HCN1: variants seen among roughly 807,000 people sequenced by gnomAD.
HCN1 encodes hyperpolarization activated cyclic nucleotide gated potassium channel 1.
Under a neutral mutation model 78.9 loss-of-function variants are expected in HCN1, and 13 were observed. The observed-to-expected ratio is 0.16, with a 90% CI of 0.11 to 0.26. HCN1 has a LOEUF of 0.26. Ranked by LOEUF, HCN1 falls within the 10% of genes least tolerant of loss-of-function variation. HCN1 has a pLI of 1.00. For synonymous variants in HCN1, 552 were observed against 455.5 expected, an observed-to-expected ratio of 1.21 and a Z score of -2.70; for missense variants, 810 against 1,154.3, an observed-to-expected ratio of 0.70 and a Z score of 4.32.
chr5:45,269,149 T>C (rs1244185344), intron 6 of HCN1, among the ~76,000 whole-genome samples: 2 of 152,290 alleles, frequency 1.3e-5, no homozygotes, highest in African/African-American at 4.8e-5. Context: ...AGGCAAAAGA[T>C]GGAAAAGGGA....
intron 2 of HCN1, among the ~76,000 whole-genome samples, chr5:45,616,748 A>G (rs1354922460): frequency 2.0e-5 from 3 of 152,064 alleles, no homozygotes; most frequent in Non-Finnish European, 4.4e-5. Context: ...GTTGATTGAA[A>G]TATATGTGTG....
At chr5:45,542,709 T>A (rs2111832083) in intron 2 of HCN1, among the ~76,000 whole-genome samples, 1 of 152,260 alleles carries the variant, frequency 6.6e-6, no homozygotes, top group Non-Finnish European at 1.5e-5. Context: ...TACTTTCCAG[T>A]GACAGGATTT....
At chr5:45,642,686 T>G (rs1745479062) in intron 2 of HCN1, 1 of 152,118 alleles carries the variant, frequency 6.6e-6, no homozygotes, top group Non-Finnish European at 1.5e-5. Context: ...ACAGAGCTAC[T>G]TTTTCTGATT....
intron 3 of HCN1, among the ~76,000 whole-genome samples, chr5:45,415,263 A>G (rs368233106): frequency 3.3e-5 from 5 of 152,120 alleles, no homozygotes; most frequent in African/African-American, 9.6e-5. Flanking sequence ...AATTTTAATA[A>G]TTTGCCATCT....
intron 2 of HCN1, among the ~76,000 whole-genome samples, chr5:45,541,023 T>G (rs1353944832): frequency 6.6e-6 from 1 of 152,074 alleles, no homozygotes; most frequent in Admixed American, 6.5e-5. Flanking sequence ...CACACAAAAC[T>G]TATTTAGTGC....
At chr5:45,379,335 G>C (rs1420425793) in intron 4 of HCN1, among the ~76,000 whole-genome samples, 1 of 152,006 alleles carries the variant, frequency 6.6e-6, no homozygotes, top group Non-Finnish European at 1.5e-5. Context: ...TCCTCTTAAT[G>C]TGAAACACTA....
chr5:45,393,792 A>T (rs908980811), intron 4 of HCN1, among the ~76,000 whole-genome samples: 2 of 152,194 alleles, frequency 1.3e-5, no homozygotes, highest in Non-Finnish European at 2.9e-5. Flanking sequence ...TAAGGACTGA[A>T]TCTGTCCTAT....
intron 4 of HCN1, among the ~76,000 whole-genome samples, chr5:45,370,997 A>T (rs1372922560): frequency 6.6e-6 from 1 of 152,098 alleles, no homozygotes; most frequent in African/African-American, 2.4e-5. Context: ...GGAGAAAAAT[A>T]TATCAAAGCT....
At chr5:45,293,565 G>T (rs1454064678) in intron 6 of HCN1, among the ~76,000 whole-genome samples, 1 of 151,936 alleles carries the variant, frequency 6.6e-6, no homozygotes, top group Admixed American at 6.6e-5. Context: ...GAATATAGGA[G>T]GACCCAGGAT....
intron 2 of HCN1, among the ~76,000 whole-genome samples, chr5:45,468,746 C>T (rs986464202): frequency 3.9e-5 from 6 of 151,902 alleles, no homozygotes; most frequent in Non-Finnish European, 8.8e-5. Flanking sequence ...GATATGAATC[C>T]TTTGAACATT....
intron 4 of HCN1, among the ~76,000 whole-genome samples, chr5:45,364,207 C>T (rs1197756409): frequency 3.3e-5 from 5 of 152,096 alleles, no homozygotes; most frequent in African/African-American, 1.2e-4. Context: ...TGCCCAAGGC[C>T]GCCTTTTCTT....
intron 5 of HCN1, among the ~76,000 whole-genome samples, chr5:45,318,931 T>A (rs960883317): frequency 1.3e-5 from 2 of 152,038 alleles, no homozygotes; most frequent in African/African-American, 4.8e-5. Context: ...GAAAGTCACA[T>A]AAATGAGGTT....
intron 5 of HCN1, among the ~76,000 whole-genome samples, chr5:45,313,468 C>T (rs974380072): frequency 2.0e-5 from 3 of 152,208 alleles, no homozygotes; most frequent in African/African-American, 7.2e-5. Flanking sequence ...ACCTCTCCTC[C>T]TCCAAAGGAA....
At chr5:45,319,526 CAGTAA>C (rs1445328321) in intron 5 of HCN1, among the ~76,000 whole-genome samples, 1 of 151,744 alleles carries the variant, frequency 6.6e-6, no homozygotes, top group Non-Finnish European at 1.5e-5. Flanking sequence ...GTGAGGTGCC[CAGTAA>C]AGAGTTTCCC....
intron 2 of HCN1, among the ~76,000 whole-genome samples, chr5:45,609,701 T>G (rs1744796522): frequency 6.6e-6 from 1 of 152,214 alleles, no homozygotes; most frequent in Non-Finnish European, 1.5e-5. Flanking sequence ...AATGCACAGG[T>G]AAATGAGGCA....
At chr5:45,671,600 TTGA>T (rs1455982004) in intron 1 of HCN1, among the ~76,000 whole-genome samples, 1 of 151,414 alleles carries the variant, frequency 6.6e-6, no homozygotes, top group Non-Finnish European at 1.5e-5. Flanking sequence ...ACTTATCACT[TTGA>T]TGACTAGCAG....
At chr5:45,412,533 AC>A (rs1740043451) in intron 3 of HCN1, among the ~76,000 whole-genome samples, 1 of 152,072 alleles carries the variant, frequency 6.6e-6, no homozygotes, top group South Asian at 2.1e-4. Context: ...ACAAAGAATA[AC>A]CTACTCAGAA....
chr5:45,514,291 C>T (rs747466007), intron 2 of HCN1, among the ~76,000 whole-genome samples: 13 of 152,032 alleles, frequency 8.6e-5, no homozygotes, highest in Admixed American at 2.6e-4. Context: ...AAACACATTG[C>T]GCTGTCTTTC....
At chr5:45,403,124 C>A (rs1397118187) in intron 3 of HCN1, among the ~76,000 whole-genome samples, 2 of 152,040 alleles carry the variant, frequency 1.3e-5, no homozygotes, top group African/African-American at 4.8e-5. Flanking sequence ...CTCTACAAGG[C>A]CAATATTGCT....
Sources: allele counts gnomAD v4.1 joint callset (sites outside exome capture counted in the v4.1 genomes callset), GRCh38; gene constraint gnomAD v4.1.1; transcripts MANE v1.5; gene names NCBI Gene and HGNC (gene_info 2026-07-23, HGNC 2026-07-21).